Variants in BRINP3 observed in about 807,000 individuals in gnomAD.
BRINP3 encodes the protein BMP/retinoic acid inducible neural specific 3.
A neutral mutation model predicts 71.0 loss-of-function variants in BRINP3; 19 were observed. The observed-to-expected ratio is 0.27, with a 90% CI of 0.19 to 0.39. The LOEUF (loss-of-function observed/expected upper bound fraction) is 0.39, where lower values mean the gene tolerates loss of function less well. BRINP3 is among the 10% of genes least tolerant of loss of function. BRINP3 has a pLI of 1.00. For missense variants in BRINP3, 959 were observed against 940.8 expected, an observed-to-expected ratio of 1.02 and a Z score of -0.25; for synonymous variants, 380 against 337.7, an observed-to-expected ratio of 1.13 and a Z score of -1.37.
At chr1:190,353,933 A>G (rs186116142) in intron 2 of BRINP3, among the ~76,000 whole-genome samples, 42 of 152,108 alleles carry the variant, frequency 2.8e-4, no homozygotes, top group Middle Eastern at 6.8e-3. Context: ...TTTGCTTTCT[A>G]GAACACAAAT....
intron 2 of BRINP3, among the ~76,000 whole-genome samples, chr1:190,389,081 G>A (rs1258574401): frequency 6.6e-6 from 1 of 151,586 alleles, no homozygotes; most frequent in Admixed American, 6.6e-5. Context: ...ATTCTAGACA[G>A]AGAAAAGCAT....
At chr1:190,433,907 CT>C (rs1674274910) in intron 2 of BRINP3, among the ~76,000 whole-genome samples, 1 of 152,072 alleles carries the variant, frequency 6.6e-6, no homozygotes, top group Non-Finnish European at 1.5e-5. Flanking sequence ...TTGAGCATTT[CT>C]AGTCTGCTAA....
rs76989312 is a variant in BRINP3, at chr1:190,171,179, C to T, written c.962-10289G>A. On this transcript the variant is annotated intron_variant, in intron 6 of 7. Transcript: ENST00000367462. Reference sequence around the variant, plus strand: ...AGCGGTCAGTGTGGTTGACGAGATGCCACCCATAGTTCCCTGTTTCTTTAT... The same window carrying T: ...AGCGGTCAGTGTGGTTGACGAGATGTCACCCATAGTTCCCTGTTTCTTTAT... Among the ~76,000 whole-genome samples the T allele has an allele frequency of 1.8e-3, 276 of 152,208 alleles. 3 individuals are homozygous for T. The highest frequency in any genetic ancestry group is 6.2e-3 in the African/African-American group (257 of 41,534).
At chr1:190,402,605 G>T (rs1013987519) in intron 2 of BRINP3, among the ~76,000 whole-genome samples, 5 of 152,068 alleles carry the variant, frequency 3.3e-5, no homozygotes, top group African/African-American at 1.2e-4. Context: ...CTTAGGGAAT[G>T]AATATTAAGC....
chr1:190,402,177 A>G (rs1671972121), intron 2 of BRINP3, among the ~76,000 whole-genome samples: 1 of 152,134 alleles, frequency 6.6e-6, no homozygotes, highest in Non-Finnish European at 1.5e-5. Flanking sequence ...GTAGGCGTGT[A>G]TAACAATAAA....
chr1:190,154,076 AT>A, intron 7 of BRINP3: 1 of 963,474 alleles, frequency 1.0e-6, no homozygotes, highest in Non-Finnish European at 1.2e-6. Context: ...TTCAGTTATG[AT>A]TTTTAGTTCT....
chr1:190,176,555 A>G (rs1652523898), intron 6 of BRINP3, among the ~76,000 whole-genome samples: 1 of 152,202 alleles, frequency 6.6e-6, no homozygotes, highest in African/African-American at 2.4e-5. Flanking sequence ...TTTAACAGTC[A>G]AAAACACTTG....
chr1:190,307,668 C>A (rs766316417), intron 2 of BRINP3, among the ~76,000 whole-genome samples: 35 of 151,008 alleles, frequency 2.3e-4, no homozygotes, highest in Non-Finnish European at 7.4e-5. Flanking sequence ...GTAGATTTTG[C>A]TCATCAGTAA....
At chr1:190,154,961 G>T (rs1454041709) in intron 7 of BRINP3, among the ~76,000 whole-genome samples, 1 of 151,994 alleles carries the variant, frequency 6.6e-6, no homozygotes, top group Non-Finnish European at 1.5e-5. Flanking sequence ...TTATTTAACG[G>T]CAATGATAAC....
At chr1:190,390,205 A>G (rs1671166723) in intron 2 of BRINP3, among the ~76,000 whole-genome samples, 1 of 151,710 alleles carries the variant, frequency 6.6e-6, no homozygotes, top group South Asian at 2.1e-4. Context: ...TACATTCATC[A>G]TATAAAAAAG....
chr1:190,310,503 T>A (rs887304579), intron 2 of BRINP3, among the ~76,000 whole-genome samples: 1 of 151,854 alleles, frequency 6.6e-6, no homozygotes, highest in East Asian at 1.9e-4. Flanking sequence ...AATTTCTTTC[T>A]GGAAAAAATA....
At chr1:190,142,655 C>G (rs2102394708) in intron 7 of BRINP3, among the ~76,000 whole-genome samples, 1 of 151,926 alleles carries the variant, frequency 6.6e-6, no homozygotes, top group South Asian at 2.1e-4. Context: ...TGACACCATA[C>G]TTGTCTTCAT....
chr1:190,100,387 T>C (rs2102240361), intron 7 of BRINP3, among the ~76,000 whole-genome samples: 1 of 152,340 alleles, frequency 6.6e-6, no homozygotes, highest in Admixed American at 6.5e-5. Context: ...ATTGTTTTTC[T>C]CATTACATAT....
chr1:190,305,533 G>A (rs376398989), intron 2 of BRINP3, among the ~76,000 whole-genome samples: 4 of 151,684 alleles, frequency 2.6e-5, no homozygotes, highest in African/African-American at 9.7e-5. Flanking sequence ...CTAATATATG[G>A]AATCAAAGAA....
intron 2 of BRINP3, among the ~76,000 whole-genome samples, chr1:190,442,638 CAAGT>C (rs1450277502): frequency 6.6e-6 from 1 of 151,946 alleles, no homozygotes; most frequent in East Asian, 1.9e-4. Flanking sequence ...TTAAATAAAA[CAAGT>C]AAGGTACTTA....
intron 2 of BRINP3, among the ~76,000 whole-genome samples, chr1:190,300,424 T>C (rs907851294): frequency 6.6e-6 from 1 of 152,124 alleles, no homozygotes; most frequent in African/African-American, 2.4e-5. Context: ...CACTTCTCTG[T>C]ATTGGTTATT....
chr1:190,101,983 C>T (rs796920738), intron 7 of BRINP3, among the ~76,000 whole-genome samples: 56 of 152,246 alleles, frequency 3.7e-4, no homozygotes, highest in African/African-American at 1.3e-3. Context: ...TTTCAGCTCT[C>T]ATGTATGAAT....
At chr1:190,403,055 T>G (rs1394740884) in intron 2 of BRINP3, among the ~76,000 whole-genome samples, 1 of 152,196 alleles carries the variant, frequency 6.6e-6, no homozygotes, top group East Asian at 1.9e-4. Context: ...AAAAAGGCAC[T>G]ACATTCACAA....
intron 2 of BRINP3, among the ~76,000 whole-genome samples, chr1:190,442,888 T>C (rs1440159991): frequency 6.6e-6 from 1 of 151,234 alleles, no homozygotes; most frequent in African/African-American, 2.4e-5. Context: ...CTTTCAAATA[T>C]TGTGGAAGTC....
Sources: allele counts gnomAD v4.1 joint callset (sites outside exome capture counted in the v4.1 genomes callset), GRCh38; gene constraint gnomAD v4.1.1; transcripts MANE v1.5; gene names NCBI Gene and HGNC (gene_info 2026-07-23, HGNC 2026-07-21).